The following CREM variants were observed in gnomAD, a reference collection of about 807,000 sequenced individuals.
The protein encoded by CREM is cAMP-responsive element modulator.
Under a neutral mutation model 37.3 loss-of-function variants are expected in CREM, and 13 were observed. The observed-to-expected ratio is 0.35, with a 90% CI of 0.23 to 0.55. CREM has a LOEUF of 0.55. Ranked by LOEUF, CREM falls within the 20% of genes least tolerant of loss-of-function variation. The probability of loss-of-function intolerance (pLI) is 0.88; values close to 1 mark genes in which losing one functional copy is unlikely to be tolerated. For synonymous variants in CREM, 124 were observed against 120.2 expected (o/e 1.03, Z -0.21); for missense variants, 296 against 362.3 (o/e 0.82, Z 1.49).
chr10:35,208,277 C>T (rs2095583215), intron 7 of CREM, among the ~76,000 whole-genome samples: 1 of 152,160 alleles, frequency 6.6e-6, no homozygotes, highest in Admixed American at 6.5e-5. Context: ...AGTCTATGTA[C>T]TTCCAGTCAG....
intron 3 of CREM, among the ~76,000 whole-genome samples, chr10:35,169,158 G>A (rs2093686349): frequency 6.6e-6 from 1 of 152,160 alleles, no homozygotes; most frequent in Admixed American, 6.5e-5. Flanking sequence ...GCCTGATTGG[G>A]ATGGCATTGA....
intron 6 of CREM, among the ~76,000 whole-genome samples, chr10:35,200,251 T>A (rs1382592736): frequency 2.0e-5 from 3 of 152,222 alleles, no homozygotes; most frequent in Non-Finnish European, 4.4e-5. Context: ...TATTTGCTAT[T>A]ATATGGAACA....
chr10:35,130,237 T>C (rs965025697), intron 1 of CREM, among the ~76,000 whole-genome samples: 1 of 151,504 alleles, frequency 6.6e-6, no homozygotes, highest in Non-Finnish European at 1.5e-5. Context: ...TGGAAAAATG[T>C]ATCTCATTAC....
chr10:35,176,137 C>T, intron 3 of CREM: 1 of 1,277,138 alleles, frequency 7.8e-7, no homozygotes. Flanking sequence ...GGAATCTCTT[C>T]TCCTTGCGTA....
intron 6 of CREM, among the ~76,000 whole-genome samples, chr10:35,202,565 C>T (rs2095411971): frequency 6.6e-6 from 1 of 152,082 alleles, no homozygotes; most frequent in Admixed American, 6.6e-5. Context: ...TGTCTTTGCC[C>T]ATATCTTTTT....
At chr10:35,181,865 ACT>A (rs561668858) in intron 5 of CREM, among the ~76,000 whole-genome samples, 152 of 152,156 alleles carry the variant, frequency 1.0e-3, no homozygotes, top group African/African-American at 3.5e-3. Context: ...GCAGAGTGAG[ACT>A]CTGTCTCAAA....
intron 5 of CREM, among the ~76,000 whole-genome samples, chr10:35,186,846 G>GTTATATATACC (rs2094579304): frequency 9.3e-6 from 1 of 107,400 alleles, no homozygotes; most frequent in East Asian, 2.5e-4. Context: ...GTATATATAC[G>GTTATATATACC]TATATATGTT....
intron 2 of CREM, among the ~76,000 whole-genome samples, chr10:35,141,089 CT>C (rs2091354921): frequency 6.6e-6 from 1 of 152,094 alleles, no homozygotes; most frequent in South Asian, 2.1e-4. Flanking sequence ...CCTGAGTCTC[CT>C]TTTCCTTATT....
chr10:35,195,338 T>G, intron 6 of CREM: 1 of 1,034,202 alleles, frequency 9.7e-7, no homozygotes, highest in South Asian at 1.5e-5. Flanking sequence ...TGTAAGACTT[T>G]TTTTGAAATA....
intron 3 of CREM, among the ~76,000 whole-genome samples, chr10:35,163,988 C>A (rs1271607605): frequency 2.8e-4 from 41 of 145,548 alleles, no homozygotes; most frequent in African/African-American, 4.8e-4. Context: ...AAAAAAAAAA[C>A]AAAAAAAGAG....
chr10:35,147,041 GTTT>G lies in CREM; in HGVS notation c.45-1302_45-1300del, dbSNP rs755346866. ...GGAGTAGTTTCTATAAGTTTTTTGG[GTTT>G]TTTTTTTTTTTTTTTTTTTTTTTTA... On this transcript the variant is annotated intron_variant, in intron 2 of 7. Coordinates refer to ENST00000685392, the MANE Select transcript of CREM (RefSeq NM_183011.2). Among the ~76,000 whole-genome samples, 7 of 121,004 alleles carry G rather than the reference GTTT, an allele frequency of 5.8e-5. No homozygotes were observed. The South Asian group carries it at 1.3e-3, about 23-fold the overall frequency. 79.4% of individuals were successfully genotyped at this position (121,004 alleles called of 152,430 possible).
chr10:35,207,644 T>G (rs1001679522), intron 7 of CREM, among the ~76,000 whole-genome samples: 4 of 151,130 alleles, frequency 2.6e-5, no homozygotes, highest in Non-Finnish European at 5.9e-5. Context: ...TGTGGTGGTG[T>G]GCACCTGTAA....
At chr10:35,154,105 T>C (rs757817460) in intron 3 of CREM, 18 of 398,480 alleles carry the variant, frequency 4.5e-5, no homozygotes, top group Non-Finnish European at 8.0e-5. Flanking sequence ...AGCCCTGGCA[T>C]GCCATCGGGG....
At chr10:35,152,360 C>G (rs962697700) in intron 3 of CREM, 1 of 152,226 alleles carries the variant, frequency 6.6e-6, no homozygotes, top group Non-Finnish European at 1.5e-5. Flanking sequence ...TGTCAGGCCC[C>G]TGTTCTGCTG....
chr10:35,157,635 CAA>C (rs71523362), intron 3 of CREM, among the ~76,000 whole-genome samples: 1,341 of 87,078 alleles, frequency 0.015, 20 homozygotes, highest in African/African-American at 0.045. Flanking sequence ...GACCCTGTCT[CAA>C]AAAAAAAAAA....
intron 2 of CREM, among the ~76,000 whole-genome samples, chr10:35,140,853 G>T (rs1219706210): frequency 6.6e-6 from 1 of 152,190 alleles, no homozygotes; most frequent in Non-Finnish European, 1.5e-5. Flanking sequence ...GGGAGAGTAA[G>T]ATATGTACTT....
intron 5 of CREM, among the ~76,000 whole-genome samples, chr10:35,187,538 G>T (rs1214114280): frequency 6.6e-6 from 1 of 151,816 alleles, no homozygotes; most frequent in African/African-American, 2.4e-5. Context: ...AAGTTTACAG[G>T]CGTGAGCCAC....
At chr10:35,193,013 A>T (rs1274353888) in intron 6 of CREM, among the ~76,000 whole-genome samples, 1 of 152,098 alleles carries the variant, frequency 6.6e-6, no homozygotes, top group Non-Finnish European at 1.5e-5. Context: ...TTCTTCACAC[A>T]TACCGATTGC....
chr10:35,186,783 A>G (rs1473459870), intron 5 of CREM, among the ~76,000 whole-genome samples: 1 of 128,496 alleles, frequency 7.8e-6, no homozygotes, highest in African/African-American at 3.0e-5. Context: ...AACAAATTAT[A>G]TATAACATAA....
Sources: gnomAD v4.1 joint callset for allele counts (sites outside exome capture counted in the v4.1 genomes callset) on GRCh38, gnomAD v4.1.1 for gene constraint, MANE v1.5 for transcripts, NCBI Gene and HGNC (gene_info 2026-07-23, HGNC 2026-07-21) for gene names.